AATF: variants seen among roughly 807,000 people sequenced by gnomAD.
The protein encoded by AATF is apoptosis antagonizing transcription factor.
Under a neutral mutation model 63.7 loss-of-function variants are expected in AATF, and 48 were observed. The observed-to-expected ratio is 0.75, with a 90% CI of 0.60 to 0.96. The LOEUF (loss-of-function observed/expected upper bound fraction) is 0.96, where lower values mean the gene tolerates loss of function less well. Among genes scored for constraint, AATF ranks in the 40% least tolerant of loss-of-function variants. The probability of loss-of-function intolerance (pLI) is 0.00; values close to 1 mark genes in which losing one functional copy is unlikely to be tolerated. For synonymous variants in AATF, 258 were observed against 247.7 expected (o/e 1.04, Z -0.39); for missense variants, 639 against 685.7 (o/e 0.93, Z 0.76).
At chr17:37,030,092 G>T (rs1158607245) in intron 10 of AATF, among the ~76,000 whole-genome samples, 2 of 151,594 alleles carry the variant, frequency 1.3e-5, no homozygotes, top group Non-Finnish European at 2.9e-5. Context: ...TGGTGTGGGG[G>T]TATAGACAGG....
intron 4 of AATF, among the ~76,000 whole-genome samples, chr17:36,967,650 ACTTCCAATTTT>A (rs2071001662): frequency 6.6e-6 from 1 of 151,132 alleles, no homozygotes; most frequent in Non-Finnish European, 1.5e-5. Flanking sequence ...TTTCTTGGCT[ACTTCCAATTTT>A]TGTTGCACAT....
chr17:37,015,860 T>C (rs548471005), intron 8 of AATF, among the ~76,000 whole-genome samples: 1 of 152,310 alleles, frequency 6.6e-6, no homozygotes, highest in Admixed American at 6.5e-5. Flanking sequence ...CATTCCAGCC[T>C]TCTTTGCCTG....
chr17:36,953,168 C>T lies in AATF; in HGVS notation c.566C>T (p.Ser189Phe). The change falls in exon 3 of 12, where the codon TCC becomes TTC. Residue 189 changes from serine to phenylalanine, a missense_variant. By Grantham distance (155) the Ser-to-Phe change is radical. Transcript: ENST00000619387. ...GAAGAAGGGGATGACGCGGAAGACT[C>T]CCAAGGCGAGAGTGAGGAAGACAGG... is the stretch of plus-strand genomic sequence containing the variant. ...GMEEGDDAED[S>F]QGESEEDRAG... 3.7e-6 allele frequency: 6 copies of T among 1,614,046 alleles called. No individual in the cohort carries two copies. The highest frequency in any genetic ancestry group is 5.1e-6 in the Non-Finnish European group (6 of 1,180,008).
intron 10 of AATF, among the ~76,000 whole-genome samples, chr17:37,029,338 A>T (rs2071534891): frequency 6.9e-6 from 1 of 145,154 alleles, no homozygotes; most frequent in Non-Finnish European, 1.5e-5. Flanking sequence ...CTGCCTCCTG[A>T]GTTCAAGCAA....
intron 4 of AATF, 54 bp from the exon 5 acceptor site, chr17:36,986,563 A>G: frequency 6.8e-7 from 1 of 1,474,070 alleles, no homozygotes; most frequent in Non-Finnish European, 9.5e-7. Context: ...GGCATCACCT[A>G]CTTTGGAGAA....
chr17:36,965,026 A>T (rs894142413), intron 4 of AATF, among the ~76,000 whole-genome samples: 1 of 152,184 alleles, frequency 6.6e-6, no homozygotes, highest in Non-Finnish European at 1.5e-5. Context: ...GTTTGAAAAT[A>T]CTGTGCCCTC....
chr17:36,957,844 TC>T (rs1342969931), intron 4 of AATF, among the ~76,000 whole-genome samples: 5 of 152,176 alleles, frequency 3.3e-5, no homozygotes, highest in Non-Finnish European at 7.3e-5. Context: ...ATAACAGACT[TC>T]CAGCTGTATT....
intron 4 of AATF, among the ~76,000 whole-genome samples, chr17:36,971,012 T>G (rs1447235784): frequency 1.3e-5 from 2 of 152,186 alleles, no homozygotes; most frequent in African/African-American, 4.8e-5. Flanking sequence ...TGTCATTGGG[T>G]TAGGCAAAGA....
At chr17:36,983,602 C>T (rs1448894928) in intron 4 of AATF, among the ~76,000 whole-genome samples, 2 of 151,472 alleles carry the variant, frequency 1.3e-5, no homozygotes, top group East Asian at 3.9e-4. Flanking sequence ...TTGCCGACCT[C>T]GTCCTCCCAA....
At position 36,953,127 on chromosome 17, in the gene AATF, C is replaced by T. The variant is rs774660209; in HGVS notation, c.525C>T (p.Asp175=). 3.3e-5 allele frequency: 54 copies of T among 1,613,882 alleles called. No homozygotes were observed. The highest frequency in any genetic ancestry group is 4.2e-5 in the Non-Finnish European group (49 of 1,180,006). The change falls in exon 3 of 12, where the codon GAC becomes GAT. Residue 175 remains aspartate, a synonymous_variant. Transcript: ENST00000619387. ...TTGGGAGCAGTGAGGAGGAGGAAGA[C>T]GAAGAGAGTGGCATGGAAGAAGGGG... ...DDLGSSEEEE[D]EESGMEEGDD... is the part of the protein sequence containing the mutation.
At position 36,952,984 on chromosome 17, in the gene AATF, C is replaced by T; in HGVS notation, c.382C>T (p.Gln128Ter). The change falls in exon 3 of 12, where the codon CAG (glutamine) becomes TAG (stop). Residue 128 changes from glutamine (Q) to a stop codon, truncating the protein, a stop_gained. Transcript: ENST00000619387. LOFTEE classifies it high-confidence loss of function. ...DEDDLGAAEE[Q>*]ECGDHRESKK... is the part of the protein sequence containing the mutation. ...GGACGACCTGGGTGCTGCTGAGGAA[C>T]AGGAGTGTGGTGATCACAGGGAGAG... 1.9e-6 allele frequency: 3 copies of T among 1,614,078 alleles called. No homozygotes were observed. Among genetic ancestry groups the T allele is most frequent in the Non-Finnish European group, 2.5e-6 (3 of 1,180,016 alleles).
chr17:37,051,833 C>A (rs79334716), intron 11 of AATF, among the ~76,000 whole-genome samples: 4 of 152,008 alleles, frequency 2.6e-5, no homozygotes, highest in Admixed American at 6.6e-5. Context: ...TAGAAAATGC[C>A]TCACTAAGGG....
At chr17:37,028,942 A>T (rs891802587) in intron 10 of AATF, among the ~76,000 whole-genome samples, 14 of 151,416 alleles carry the variant, frequency 9.2e-5, no homozygotes, top group Middle Eastern at 3.4e-3. Context: ...AATTCATTCA[A>T]AATTGTGTGA....
At chr17:37,015,600 C>A (rs1483583343) in intron 8 of AATF, among the ~76,000 whole-genome samples, 4 of 152,196 alleles carry the variant, frequency 2.6e-5, no homozygotes, top group African/African-American at 9.6e-5. Context: ...AAAGGCCATT[C>A]CTTCCAATAC....
At chr17:36,959,013 G>A (rs1158379332) in intron 4 of AATF, among the ~76,000 whole-genome samples, 1 of 152,048 alleles carries the variant, frequency 6.6e-6, no homozygotes, top group Non-Finnish European at 1.5e-5. Context: ...GGGTGTGGTG[G>A]CGGGCACCTG....
intron 4 of AATF, among the ~76,000 whole-genome samples, chr17:36,956,517 A>G (rs1191100985): frequency 6.6e-6 from 1 of 152,016 alleles, no homozygotes; most frequent in African/African-American, 2.4e-5. Context: ...TACTGAAAAT[A>G]CAAAAATTAG....
chr17:37,016,742 C>A (rs1250516295), intron 8 of AATF, among the ~76,000 whole-genome samples: 1 of 150,972 alleles, frequency 6.6e-6, no homozygotes. Context: ...GTTTTGAAAG[C>A]AATTTTCTAA....
chr17:37,035,141 AAG>A (rs2071581432), intron 11 of AATF, among the ~76,000 whole-genome samples: 1 of 151,970 alleles, frequency 6.6e-6, no homozygotes, highest in African/African-American at 2.4e-5. Context: ...AAAATCAAAA[AAG>A]AAAAATTTCA....
At position 36,982,446 on chromosome 17, in the gene AATF, C is replaced by A. The variant is rs12939891; in HGVS notation, c.833-4171C>A. Among the ~76,000 whole-genome samples the A allele has an allele frequency of 4.8e-3, 724 of 152,174 alleles. 6 individuals are homozygous for A. Among genetic ancestry groups the A allele is most frequent in the African/African-American group, 0.016 (669 of 41,530 alleles). On this transcript the variant is annotated intron_variant, in intron 4 of 11. Transcript: ENST00000619387. ...TTGGCTCACTGCAACCTCCCCGTCC[C>A]GGGTTCAGGAAATCCTTCCACCTCA...
Sources: gnomAD v4.1 joint callset for allele counts (sites outside exome capture counted in the v4.1 genomes callset) on GRCh38, gnomAD v4.1.1 for gene constraint, MANE v1.5 for transcripts, NCBI Gene and HGNC (gene_info 2026-07-23, HGNC 2026-07-21) for gene names.